YAP1: variants seen among roughly 807,000 people sequenced by gnomAD.
YAP1 encodes Yes1 associated transcriptional regulator, also known as transcriptional coactivator YAP1.
Under a neutral mutation model 56.9 loss-of-function variants are expected in YAP1, and 5 were observed. The observed-to-expected ratio is 0.09, with a 90% confidence interval of 0.05 to 0.18. The LOEUF is 0.18. YAP1 is among the 10% of genes least tolerant of loss of function. The pLI is 1.00. For synonymous variants in YAP1, 265 were observed against 248.1 expected (o/e 1.07, Z -0.64); for missense variants, 539 against 651.8 (o/e 0.83, Z 1.88).
chr11:102,162,229 C>T (rs1946330440), intron 2 of YAP1, among the ~76,000 whole-genome samples: 1 of 152,146 alleles, frequency 6.6e-6, no homozygotes, highest in Non-Finnish European at 1.5e-5. Context: ...AAATTCCAGG[C>T]ATAACTTTTT....
chr11:102,195,763 GT>G (rs1259020444), intron 4 of YAP1, among the ~76,000 whole-genome samples: 2 of 152,184 alleles, frequency 1.3e-5, no homozygotes, highest in African/African-American at 4.8e-5. Context: ...CTGTAAATCT[GT>G]TAAACCTCTT....
At chr11:102,111,468 C>G (rs1453762966) in intron 1 of YAP1, among the ~76,000 whole-genome samples, 2 of 147,784 alleles carry the variant, frequency 1.4e-5, no homozygotes, top group Admixed American at 6.8e-5. Context: ...CCGGGGTTCC[C>G]GAGAGGTTGG....
chr11:102,217,124 C>G (rs1189378467), intron 6 of YAP1, among the ~76,000 whole-genome samples: 7 of 152,092 alleles, frequency 4.6e-5, no homozygotes, highest in Admixed American at 4.6e-4. Context: ...TTTATGGAAC[C>G]AAGACCTAGC....
At chr11:102,201,423 G>C (rs552499535) in intron 4 of YAP1, among the ~76,000 whole-genome samples, 1 of 152,246 alleles carries the variant, frequency 6.6e-6, no homozygotes, top group Non-Finnish European at 1.5e-5. Context: ...AGGAGGAAGC[G>C]GGTGGGAAAT....
chr11:102,163,351 TC>T (rs1946409708), intron 3 of YAP1, among the ~76,000 whole-genome samples: 1 of 152,204 alleles, frequency 6.6e-6, no homozygotes, highest in Admixed American at 6.5e-5. Context: ...CCCTTCATCT[TC>T]CTTATCACAT....
intron 2 of YAP1, among the ~76,000 whole-genome samples, chr11:102,141,257 A>C (rs1032625670): frequency 6.6e-6 from 1 of 152,188 alleles, no homozygotes; most frequent in Non-Finnish European, 1.5e-5. Flanking sequence ...CCTAGCATAG[A>C]GATGCAGCAC....
intron 4 of YAP1, among the ~76,000 whole-genome samples, chr11:102,194,062 C>T (rs1241444901): frequency 6.6e-6 from 1 of 152,182 alleles, no homozygotes; most frequent in Non-Finnish European, 1.5e-5. Context: ...ACCTCGGCCT[C>T]CCGAAGTGCT....
intron 4 of YAP1, among the ~76,000 whole-genome samples, chr11:102,197,005 C>T (rs931736680): frequency 2.0e-5 from 3 of 152,008 alleles, no homozygotes; most frequent in Admixed American, 1.3e-4. Context: ...GATTCAGTCC[C>T]CTTAGGTCAT....
Position 102,110,863 on chromosome 11 carries a change from G to A in YAP1, c.15G>A (p.Gln5=). 1 of 1,414,096 alleles carries A rather than the reference G, an allele frequency of 7.1e-7. No individual in the cohort carries two copies. Among genetic ancestry groups the A allele is most frequent in the Non-Finnish European group, 9.2e-7 (1 of 1,082,606 alleles). The allele number at this position is 1,414,096 out of a possible 1,614,324, so 87.6% of individuals were successfully genotyped here. MDPG[Q]QPPPQPAPQG... is the part of the protein sequence containing the mutation. ...AGGCAGAAGCCATGGATCCCGGGCAGCAGCCGCCGCCTCAACCGGCCCCCC... is the reference window on the plus strand; with the variant it reads ...AGGCAGAAGCCATGGATCCCGGGCAACAGCCGCCGCCTCAACCGGCCCCCC... The change falls in exon 1 of 9, where the codon CAG becomes CAA. Residue 5 remains glutamine, a synonymous_variant. Coordinates refer to ENST00000282441, the MANE Select transcript of YAP1 (RefSeq NM_001130145.3).
At position 102,223,742 on chromosome 11, in the gene YAP1, T is replaced by G. The variant is rs1274977674; in HGVS notation, c.1153T>G (p.Phe385Val). ...AATGACGACCAATAGCTCAGATCCTTTCCTTAACAGGTTGGTGAAAGTTGC... is the reference window on the plus strand; with the variant it reads ...AATGACGACCAATAGCTCAGATCCTGTCCTTAACAGGTTGGTGAAAGTTGC... ...RTMTTNSSDPFLNSGTYHSRD... is the reference protein window; with the variant it reads ...RTMTTNSSDPVLNSGTYHSRD... The change falls in exon 7 of 9, where the codon TTC becomes GTC. Residue 385 changes from phenylalanine to valine, a missense_variant. Phe to Val is a conservative substitution (Grantham distance 50). Around this residue, in one of 4 missense-constraint regions of YAP1, gnomAD observed 414 missense variants for 512.4 expected, o/e 0.81. Coordinates refer to ENST00000282441, the MANE Select transcript of YAP1 (RefSeq NM_001130145.3). 6.2e-7 allele frequency: 1 copy of G among 1,613,612 alleles called. No homozygotes were observed. The highest frequency in any genetic ancestry group is 1.3e-5 in the African/African-American group (1 of 74,916).
chr11:102,199,319 A>G (rs1203192075), intron 4 of YAP1, among the ~76,000 whole-genome samples: 3 of 152,184 alleles, frequency 2.0e-5, no homozygotes, highest in Non-Finnish European at 4.4e-5. Flanking sequence ...GTTTTTTATG[A>G]TACCTGTCAA....
At chr11:102,227,855 G>T (rs1950269090) in intron 8 of YAP1, among the ~76,000 whole-genome samples, 1 of 151,962 alleles carries the variant, frequency 6.6e-6, no homozygotes, top group Non-Finnish European at 1.5e-5. Flanking sequence ...TATTGTTTGA[G>T]CCCAGGAGTT....
chr11:102,139,349 A>G (rs991854722), intron 2 of YAP1, among the ~76,000 whole-genome samples: 2 of 152,136 alleles, frequency 1.3e-5, no homozygotes, highest in African/African-American at 4.8e-5. Context: ...CAGGCCTGCA[A>G]TTTGAAGCTA....
intron 2 of YAP1, among the ~76,000 whole-genome samples, chr11:102,120,380 A>G (rs1288418037): frequency 6.6e-6 from 1 of 152,222 alleles, no homozygotes; most frequent in Non-Finnish European, 1.5e-5. Flanking sequence ...TTTTAAACAC[A>G]CCAACCAAGT....
At chr11:102,172,957 T>C (rs1947005937) in intron 3 of YAP1, among the ~76,000 whole-genome samples, 1 of 152,160 alleles carries the variant, frequency 6.6e-6, no homozygotes, top group South Asian at 2.1e-4. Flanking sequence ...CACTGCAGCA[T>C]GAACAGAGTC....
chr11:102,174,803 A>G (rs1265691301), intron 3 of YAP1, among the ~76,000 whole-genome samples: 1 of 152,166 alleles, frequency 6.6e-6, no homozygotes, highest in Non-Finnish European at 1.5e-5. Context: ...GGATGCAGGC[A>G]AATGATTGGG....
At chr11:102,135,675 A>G (rs1266089213) in intron 2 of YAP1, among the ~76,000 whole-genome samples, 1 of 152,244 alleles carries the variant, frequency 6.6e-6, no homozygotes, top group Non-Finnish European at 1.5e-5. Flanking sequence ...GCCAATCACC[A>G]AGACCAGAAT....
chr11:102,136,421 A>C (rs1565445061), intron 2 of YAP1, among the ~76,000 whole-genome samples: 1 of 150,764 alleles, frequency 6.6e-6, no homozygotes, highest in African/African-American at 2.4e-5. Flanking sequence ...GCTCACTGCA[A>C]CCTCCATCTC....
intron 2 of YAP1, among the ~76,000 whole-genome samples, chr11:102,143,542 C>T (rs1945141212): frequency 6.6e-6 from 1 of 152,166 alleles, no homozygotes; most frequent in South Asian, 2.1e-4. Flanking sequence ...CATATCTGCC[C>T]CAACCCTCAA....
Sources: gnomAD v4.1 joint callset for allele counts (sites outside exome capture counted in the v4.1 genomes callset) on GRCh38, gnomAD v4.1.1 for gene constraint, gnomAD v4.1.1 regional missense constraint, MANE v1.5 for transcripts, NCBI Gene and HGNC (gene_info 2026-07-23, HGNC 2026-07-21) for gene names.